PLXNA4: variants seen among roughly 807,000 people sequenced by gnomAD.
The protein encoded by PLXNA4 is plexin A4, also known as plexin-A4.
In PLXNA4, 44 loss-of-function variants were observed where a neutral mutation model predicts 191.8. The ratio of observed to expected loss-of-function variants is 0.23; its 90% confidence interval spans 0.18 to 0.29. The LOEUF is 0.29. Among genes scored for constraint, PLXNA4 ranks in the 10% least tolerant of loss-of-function variants. The probability of loss-of-function intolerance (pLI) is 1.00; values close to 1 mark genes in which losing one functional copy is unlikely to be tolerated. For synonymous variants in PLXNA4, 1,082 were observed against 1,009.5 expected (o/e 1.07, Z -1.36); for missense variants, 1,800 against 2,488.8 (o/e 0.72, Z 5.89).
intron 25 of PLXNA4, among the ~76,000 whole-genome samples, chr7:132,151,434 G>GAGGAGGA (rs1795623043): frequency 3.3e-5 from 3 of 90,386 alleles, no homozygotes; most frequent in African/African-American, 9.9e-5. Flanking sequence ...GAGGAGGAAG[G>GAGGAGGA]AGGAGGAGGA....
At position 132,273,351 on chromosome 7, in the gene PLXNA4, C is replaced by G. The variant is rs1170179446; in HGVS notation, c.1503+24740G>C. ...ACACACACACACACACGCACACACA[C>G]ACACACGCACGCACACGCACACACC... On this transcript the variant is annotated intron_variant, in intron 4 of 31. Coordinates refer to ENST00000321063, the MANE Select transcript of PLXNA4 (RefSeq NM_020911.2). Among the ~76,000 whole-genome samples the G allele has an allele frequency of 5.9e-5, 9 of 151,596 alleles. No homozygotes were observed. In the East Asian group the frequency reaches 1.5e-3, roughly 26 times the overall value.
At chr7:132,540,750 G>T (rs1168396804) in intron 1 of PLXNA4, among the ~76,000 whole-genome samples, 2 of 150,906 alleles carry the variant, frequency 1.3e-5, no homozygotes, top group Admixed American at 1.3e-4. Context: ...ACCGCGCCCG[G>T]CTAATTTTTT....
chr7:132,552,097 T>C (rs1298274370), intron 1 of PLXNA4, among the ~76,000 whole-genome samples: 1 of 152,096 alleles, frequency 6.6e-6, no homozygotes, highest in Non-Finnish European at 1.5e-5. Flanking sequence ...AAGTTGACAG[T>C]AGATGGAAAG....
chr7:132,219,238 G>A (rs1798065780), intron 9 of PLXNA4, among the ~76,000 whole-genome samples: 3 of 152,206 alleles, frequency 2.0e-5, no homozygotes, highest in Admixed American at 6.5e-5. Flanking sequence ...TGGGCTGGAC[G>A]TTCAGTGGAA....
chr7:132,207,483 G>C lies in PLXNA4; in HGVS notation c.2298+3460C>G, dbSNP rs17166243. On this transcript the variant is annotated intron_variant, in intron 10 of 31. Transcript: ENST00000321063. ...TTTCCTAGAGCATTGGTCTAAAGTA[G>C]GCCATGAATACCCACAGTTGCTTCC... Among the ~76,000 whole-genome samples the C allele has an allele frequency of 9.2e-3, 1,400 of 152,260 alleles. 26 individuals are homozygous for C. Among genetic ancestry groups the C allele is most frequent in the African/African-American group, 0.032 (1,325 of 41,542 alleles).
chr7:132,146,821 C>T (rs535227501), intron 27 of PLXNA4, 121 bp from the exon 28 acceptor site: 82 of 1,519,718 alleles, frequency 5.4e-5, no homozygotes, highest in East Asian at 2.1e-4. Flanking sequence ...TGCCATTGGT[C>T]GGTGCTGTCA....
rs767480923 is a variant in PLXNA4, at chr7:132,223,592, G to T, written c.2032C>A (p.Arg678=). The stretch of plus-strand genomic sequence containing the variant: ...TTGGGGTCATGGGTGCAGACATGCC[G>T]GTATTTACACCAGTGGCAGCGGTAT... ...SPYRCHWCKY[R]HVCTHDPKTC... The change falls in exon 9 of 32, where the codon CGG becomes AGG. Residue 678 remains arginine (R), a synonymous_variant. Transcript: ENST00000321063. 2 of 1,613,814 alleles carry T rather than the reference G, an allele frequency of 1.2e-6. No individual in the cohort carries two copies. Among genetic ancestry groups the T allele is most frequent in the Non-Finnish European group, 8.5e-7 (1 of 1,179,912 alleles).
At chr7:132,176,322 C>T (rs746586984) in intron 20 of PLXNA4, among the ~76,000 whole-genome samples, 10 of 152,216 alleles carry the variant, frequency 6.6e-5, no homozygotes, top group Non-Finnish European at 1.5e-4. Context: ...GTAGAGAACC[C>T]AAATGCATCC....
intron 2 of PLXNA4, among the ~76,000 whole-genome samples, chr7:132,501,673 G>T (rs1798261844): frequency 6.6e-6 from 1 of 152,214 alleles, no homozygotes; most frequent in Admixed American, 6.5e-5. Flanking sequence ...AAAGAGGGAG[G>T]TGGGCGGGCC....
chr7:132,563,820 C>T (rs1423870507), intron 1 of PLXNA4, among the ~76,000 whole-genome samples: 4 of 82,278 alleles, frequency 4.9e-5, no homozygotes, highest in African/African-American at 1.7e-4. Flanking sequence ...TCCTCCTTCT[C>T]CTCCTCCTTC....
chr7:132,173,570 T>A (rs1338635485), intron 21 of PLXNA4, among the ~76,000 whole-genome samples: 2 of 152,172 alleles, frequency 1.3e-5, no homozygotes, highest in East Asian at 3.9e-4. Context: ...CTATGCTTCA[T>A]GCAACAAGCA....
chr7:132,552,479 C>T (rs1038837993), intron 1 of PLXNA4, among the ~76,000 whole-genome samples: 2 of 152,168 alleles, frequency 1.3e-5, no homozygotes, highest in African/African-American at 2.4e-5. Context: ...AAATGAAGGG[C>T]CTGGATTCTC....
At chr7:132,268,057 G>C (rs1283954713) in intron 4 of PLXNA4, among the ~76,000 whole-genome samples, 1 of 152,136 alleles carries the variant, frequency 6.6e-6, no homozygotes, top group African/African-American at 2.4e-5. Flanking sequence ...TAAATACTGG[G>C]GCTTTGTCCC....
intron 10 of PLXNA4, among the ~76,000 whole-genome samples, chr7:132,209,936 G>A (rs1797742173): frequency 6.6e-6 from 1 of 152,192 alleles, no homozygotes; most frequent in Admixed American, 6.5e-5. Flanking sequence ...ACACCAAAGT[G>A]AATAGAGCTC....
At chr7:132,551,207 C>A (rs1348777150) in intron 1 of PLXNA4, among the ~76,000 whole-genome samples, 1 of 152,186 alleles carries the variant, frequency 6.6e-6, no homozygotes, top group Non-Finnish European at 1.5e-5. Flanking sequence ...CCAGAGCACT[C>A]AGCAGCTTTC....
At position 132,589,319 on chromosome 7, in the gene PLXNA4, A is replaced by C. The variant is rs549583362; in HGVS notation, c.-87+56609T>G. Among the ~76,000 whole-genome samples the C allele has an allele frequency of 1.1e-3, 164 of 152,320 alleles. 3 individuals carry two copies. Among genetic ancestry groups the C allele is most frequent in the Non-Finnish European group, 1.9e-3 (131 of 68,024 alleles). ...AATGCAATTCTTCTTGATTCTGATC[A>C]TAACACTATATTAAATTATAACTAT... is the stretch of plus-strand genomic sequence containing the variant. On this transcript the variant is annotated intron_variant, in intron 2 of 4. Coordinates refer to the PLXNA4 transcript ENST00000378539.
chr7:132,643,797 A>T (rs539028909), intron 2 of PLXNA4, among the ~76,000 whole-genome samples: 235 of 152,170 alleles, frequency 1.5e-3, no homozygotes, highest in Non-Finnish European at 2.2e-3. Flanking sequence ...AAAAAATTTT[A>T]AAAAATTACC....
intron 1 of PLXNA4, among the ~76,000 whole-genome samples, chr7:132,647,929 T>G (rs1222810351): frequency 6.6e-6 from 1 of 151,132 alleles, no homozygotes; most frequent in Non-Finnish European, 1.5e-5. Context: ...ACACTCACAC[T>G]CATACACTTA....
intron 3 of PLXNA4, among the ~76,000 whole-genome samples, chr7:132,321,334 GT>G (rs1314443967): frequency 6.6e-6 from 1 of 151,476 alleles, no homozygotes; most frequent in Non-Finnish European, 1.5e-5. Context: ...AAGATCTACA[GT>G]TACCCTAGCG....
Sources: gnomAD v4.1 joint callset for allele counts (sites outside exome capture counted in the v4.1 genomes callset) on GRCh38, gnomAD v4.1.1 for gene constraint, MANE v1.5 for transcripts, NCBI Gene and HGNC (gene_info 2026-07-23, HGNC 2026-07-21) for gene names.